Variants in HEMK2 observed in about 807,000 individuals in gnomAD.
HEMK2 encodes the protein HemK methyltransferase 2, ETF1 glutamine and histone H4 lysine.
chr21:28,612,038 GAT>G, the HEMK2 span, among the ~76,000 whole-genome samples: 1 of 150,434 alleles, frequency 6.6e-6, no homozygotes, highest in Non-Finnish European at 1.5e-5. Context: ...TATTCCAAAA[GAT>G]AGTGATAGAG....
the HEMK2 span, among the ~76,000 whole-genome samples, chr21:28,730,443 G>T: frequency 1.1e-4 from 13 of 113,158 alleles, no homozygotes; most frequent in East Asian, 3.6e-3. Flanking sequence ...TATGGATCAG[G>T]GATCTGGGTA....
At chr21:28,869,098 T>C in the HEMK2 span, among the ~76,000 whole-genome samples, 59 of 152,214 alleles carry the variant, frequency 3.9e-4, no homozygotes, top group African/African-American at 1.4e-3. Context: ...ATTTCTACTT[T>C]CAGAATATTT....
the HEMK2 span, among the ~76,000 whole-genome samples, chr21:28,747,369 C>A: frequency 3.5e-4 from 53 of 152,244 alleles, no homozygotes; most frequent in Non-Finnish European, 6.3e-4. Flanking sequence ...AGGTTCCTGC[C>A]AGATCAGTTT....
chr21:28,879,520 G>A, the HEMK2 span, among the ~76,000 whole-genome samples: 3 of 152,216 alleles, frequency 2.0e-5, no homozygotes, highest in African/African-American at 7.2e-5. Flanking sequence ...GATTACAGGC[G>A]TGGGCCATTG....
At chr21:28,702,252 T>C in the HEMK2 span, among the ~76,000 whole-genome samples, 1 of 151,968 alleles carries the variant, frequency 6.6e-6, no homozygotes, top group African/African-American at 2.4e-5. Context: ...GGAAGTACCA[T>C]TCTGGAAATA....
chr21:28,840,982 C>T, the HEMK2 span, among the ~76,000 whole-genome samples: 1 of 114,916 alleles, frequency 8.7e-6, no homozygotes, highest in Admixed American at 1.3e-4. Context: ...GATAAAGACA[C>T]TGTGATAGAT....
At chr21:28,686,354 C>A in the HEMK2 span, among the ~76,000 whole-genome samples, 10 of 152,102 alleles carry the variant, frequency 6.6e-5, no homozygotes, top group South Asian at 6.2e-4. Context: ...CCTGCCTCAG[C>A]CTCCCAAGTA....
At chr21:28,657,434 C>T in the HEMK2 span, among the ~76,000 whole-genome samples, 3 of 152,052 alleles carry the variant, frequency 2.0e-5, no homozygotes, top group Non-Finnish European at 2.9e-5. Context: ...TTCACTTCTA[C>T]AAAGATCTAA....
At chr21:28,657,514 C>T in the HEMK2 span, among the ~76,000 whole-genome samples, 1 of 152,040 alleles carries the variant, frequency 6.6e-6, no homozygotes, top group Non-Finnish European at 1.5e-5. Flanking sequence ...AATTATCCTA[C>T]CAGAAAACAC....
chr21:28,771,223 G>A, the HEMK2 span, among the ~76,000 whole-genome samples: 2 of 152,178 alleles, frequency 1.3e-5, no homozygotes, highest in Non-Finnish European at 2.9e-5. Flanking sequence ...TGTGCTCTGT[G>A]AACAGGACTT....
At chr21:28,777,574 C>T in the HEMK2 span, among the ~76,000 whole-genome samples, 1 of 152,084 alleles carries the variant, frequency 6.6e-6, no homozygotes, top group Non-Finnish European at 1.5e-5. Flanking sequence ...CAAGGTGACA[C>T]CAGGATGAAA....
At chr21:28,654,372 A>G in the HEMK2 span, among the ~76,000 whole-genome samples, 2 of 152,092 alleles carry the variant, frequency 1.3e-5, no homozygotes, top group Admixed American at 1.3e-4. Flanking sequence ...TATCTCCAGC[A>G]TTTTCTTTCT....
chr21:28,794,126 T>C, the HEMK2 span, among the ~76,000 whole-genome samples: 4 of 152,204 alleles, frequency 2.6e-5, no homozygotes, highest in African/African-American at 9.7e-5. Context: ...TATTTGGAAA[T>C]GACCTAGGTA....
At chr21:28,738,513 T>C in the HEMK2 span, among the ~76,000 whole-genome samples, 1 of 152,210 alleles carries the variant, frequency 6.6e-6, no homozygotes, top group Non-Finnish European at 1.5e-5. Context: ...CTCCCTCTGC[T>C]TTCCATCAAG....
chr21:28,634,278 G>T, the HEMK2 span, among the ~76,000 whole-genome samples: 2 of 152,296 alleles, frequency 1.3e-5, no homozygotes, highest in African/African-American at 4.8e-5. Context: ...GAATCCTATG[G>T]AACTGAGCTT....
the HEMK2 span, among the ~76,000 whole-genome samples, chr21:28,616,413 T>C: frequency 6.6e-5 from 10 of 152,192 alleles, 1 homozygote; most frequent in South Asian, 2.1e-4. Flanking sequence ...GTGCCTAAAA[T>C]GTATGAGCTA....
chr21:28,603,549 A>ATGTGTGTGTGTGTGTGTGTGTGTG, the HEMK2 span, among the ~76,000 whole-genome samples: 1 of 135,734 alleles, frequency 7.4e-6, no homozygotes, highest in East Asian at 2.3e-4. Context: ...GAGGATATAT[A>ATGTGTGTGTGTGTGTGTGTGTGTG]TGTGTGTGTG....
chr21:28,811,481 AAAG>A, the HEMK2 span, among the ~76,000 whole-genome samples: 3 of 152,034 alleles, frequency 2.0e-5, no homozygotes, highest in South Asian at 6.2e-4. Flanking sequence ...GAAAGAAAGA[AAAG>A]AAAGAAAGCC....
the HEMK2 span, among the ~76,000 whole-genome samples, chr21:28,687,715 T>G: frequency 6.6e-6 from 1 of 152,174 alleles, no homozygotes; most frequent in Non-Finnish European, 1.5e-5. Context: ...TTTAGGCCCA[T>G]GCATGTCAAC....
Sources: gnomAD v4.1 joint callset for allele counts (sites outside exome capture counted in the v4.1 genomes callset) on GRCh38, gnomAD v4.1.1 for gene constraint, MANE v1.5 for transcripts, NCBI Gene and HGNC (gene_info 2026-07-23, HGNC 2026-07-21) for gene names.